Variants in MMP17 observed in about 807,000 individuals in gnomAD.
MMP17 encodes the protein matrix metalloproteinase-17.
Under a neutral mutation model 49.1 loss-of-function variants are expected in MMP17, and 54 were observed. That is an observed-to-expected ratio of 1.10 (90% CI 0.88 to 1.38). The LOEUF (loss-of-function observed/expected upper bound fraction) is 1.38, where lower values mean the gene tolerates loss of function less well. Ranked by LOEUF, MMP17 falls within the 40% of genes most tolerant of loss-of-function variation. The pLI, the probability that MMP17 is intolerant of heterozygous loss-of-function variation, is 0.00. For missense variants in MMP17, 837 were observed against 853.7 expected, an observed-to-expected ratio of 0.98 and a Z score of 0.24; for synonymous variants, 397 against 383.1, an observed-to-expected ratio of 1.04 and a Z score of -0.42.
rs548012881 is a variant in MMP17, at chr12:131,838,750, G to A, written c.422+9G>A. 2.6e-5 allele frequency: 40 copies of A among 1,540,674 alleles called. No homozygotes were observed. In the African/African-American group the frequency reaches 4.1e-4, roughly 16 times the overall value. On this transcript the variant is annotated intron_variant, in intron 3 of 9. Coordinates refer to ENST00000360564, the MANE Select transcript of MMP17 (RefSeq NM_016155.7). ...AGGAACCTGTCGTGGAGGTGGGTGT[G>A]TGGCCAGGGTGAGGAGCGGGGCCTC...
chr12:131,838,831 C>T (rs1218989281), intron 3 of MMP17, 90 bp downstream of exon 3: 3 of 1,447,352 alleles, frequency 2.1e-6, no homozygotes, highest in African/African-American at 2.9e-5. Flanking sequence ...GAGGTGGGCG[C>T]GTGGCCAGGG....
At position 131,844,049 on chromosome 12, in the gene MMP17, G is replaced by A. The variant is rs745613692; in HGVS notation, c.936G>A (p.Leu312=). The change falls in exon 6 of 10, where the codon CTG becomes CTA. Residue 312 remains leucine, a synonymous_variant. Transcript: ENST00000360564. ...CGCAGCCCGAGGAGCCTCCCCTGCT[G>A]CCGGAGCCCCCAGACAACCGGTCCA... ...PTAQPEEPPL[L]PEPPDNRSSA... The A allele has an allele frequency of 6.4e-7, 1 of 1,569,358 alleles. No homozygotes were observed. The highest frequency in any genetic ancestry group is 8.6e-7 in the Non-Finnish European group (1 of 1,159,654).
chr12:131,838,480 A>G, intron 2 of MMP17, 132 bp from the exon 3 acceptor site: 1 of 1,453,748 alleles, frequency 6.9e-7, no homozygotes, highest in Non-Finnish European at 9.1e-7. Context: ...CTGGTCCCCC[A>G]AAGATGACGT....
chr12:131,843,971 G>T, intron 5 of MMP17, 26 bp from the exon 6 acceptor site: 1 of 1,516,680 alleles, frequency 6.6e-7, no homozygotes. Flanking sequence ...GGGGTTTGAG[G>T]CCGTCCTCCT....
chr12:131,850,073 G>C lies in MMP17; in HGVS notation c.1462+14G>C. On this transcript the variant is annotated intron_variant, in intron 9 of 9. Coordinates refer to ENST00000360564, the MANE Select transcript of MMP17 (RefSeq NM_016155.7). The stretch of plus-strand genomic sequence containing the variant: ...GCTGGTCCGACGGTGAGTGCCAGCT[G>C]GGGGGACGGGCCATGCGGCCTTGGT... 6.3e-7 allele frequency: 1 copy of C among 1,597,878 alleles called. No individual in the cohort carries two copies. The highest frequency in any genetic ancestry group is 1.1e-5 in the South Asian group (1 of 89,984).
chr12:131,830,576 G>T (rs927391249), intron 1 of MMP17, among the ~76,000 whole-genome samples: 2 of 152,256 alleles, frequency 1.3e-5, no homozygotes, highest in Non-Finnish European at 2.9e-5. Context: ...TCCCCGCGGG[G>T]AGGGACGAGG....
Position 131,849,700 on chromosome 12 carries a change from G to A in MMP17, c.1205-102G>A, listed in dbSNP as rs939083467. On this transcript the variant is annotated intron_variant, in intron 8 of 9. Transcript: ENST00000360564. ...CTGTCCCATCAAGCCCAGGTGAGGGGCCAGGGCAAGGGCGGCTGACACAGG... is the reference window on the plus strand; with the variant it reads ...CTGTCCCATCAAGCCCAGGTGAGGGACCAGGGCAAGGGCGGCTGACACAGG... 1.0e-5 allele frequency: 14 copies of A among 1,378,496 alleles called. No individual in the cohort carries two copies. The African/African-American group carries it at 1.5e-4, about 14-fold the overall frequency. 85.4% of individuals were successfully genotyped at this position (1,378,496 alleles called of 1,614,324 possible). A position where few individuals can be genotyped will look rare whatever the true frequency, so the allele number is the denominator to read the frequency against.
chr12:131,843,180 A>G (rs1461818720), intron 5 of MMP17, among the ~76,000 whole-genome samples: 1 of 148,374 alleles, frequency 6.7e-6, no homozygotes, highest in African/African-American at 2.5e-5. Flanking sequence ...GTTAGCCAGG[A>G]TGGTCTCGAT....
intron 1 of MMP17, among the ~76,000 whole-genome samples, chr12:131,836,140 CCCAAGGGG>C (rs1207872445): frequency 1.3e-5 from 2 of 152,176 alleles, no homozygotes; most frequent in Admixed American, 6.5e-5. Context: ...TCTTGGCTTC[CCCAAGGGG>C]CTGAGGGGCT....
chr12:131,840,981 G>C (rs939725521), intron 4 of MMP17, 125 bp downstream of exon 4: 3 of 1,213,352 alleles, frequency 2.5e-6, no homozygotes, highest in Non-Finnish European at 3.3e-6. Context: ...TCCTGAGCAC[G>C]GCTGGGCATT....
chr12:131,849,063 C>T lies in MMP17; in HGVS notation c.1205-739C>T, dbSNP rs142504199. Among the ~76,000 whole-genome samples the T allele has an allele frequency of 8.8e-3, 1,334 of 152,346 alleles. 10 individuals are homozygous for T. The highest frequency in any genetic ancestry group is 0.011 in the Non-Finnish European group (780 of 68,038). On this transcript the variant is annotated intron_variant, in intron 8 of 9. Transcript: ENST00000360564. Reference sequence around the variant, plus strand: ...CGGCTCTGCCGTCCCCATATCCTCCCGACACAGGTGACTTTCCACGTTCTT... The same window carrying T: ...CGGCTCTGCCGTCCCCATATCCTCCTGACACAGGTGACTTTCCACGTTCTT...
chr12:131,843,267 C>CTTTTTTTTT lies in MMP17; in HGVS notation c.884-714_884-706dup, dbSNP rs55938259. 1.9e-5 allele frequency among the ~76,000 whole-genome samples: 2 copies of CTTTTTTTTT among 108,014 alleles called. 1 individual carries two copies. 70.9% of individuals were successfully genotyped at this position (108,014 alleles called of 152,430 possible). A position where few individuals can be genotyped will look rare whatever the true frequency, so the allele number is the denominator to read the frequency against. ...AGGCGTGAGCCACCGCACCTGGCCT[C>CTTTTTTTTT]TTTTTTTTTTTTTTTTTTTTTTTTA... is the stretch of plus-strand genomic sequence containing the variant. On this transcript the variant is annotated intron_variant, in intron 5 of 9. Coordinates refer to ENST00000360564, the MANE Select transcript of MMP17 (RefSeq NM_016155.7).
Position 131,845,294 on chromosome 12 carries a change from C to T in MMP17, c.1052-3C>T. 1.2e-6 allele frequency: 2 copies of T among 1,609,408 alleles called. No individual in the cohort carries two copies. The highest frequency in any genetic ancestry group is 1.7e-6 in the Non-Finnish European group (2 of 1,176,574). Reference sequence around the variant, plus strand: ...AGCCCGGCCCTCCCCTCTGTGCCCCCAGGCAAGTACTTCTGGCGGCTGACG... The same window carrying T: ...AGCCCGGCCCTCCCCTCTGTGCCCCTAGGCAAGTACTTCTGGCGGCTGACG... On this transcript the variant is annotated splice_polypyrimidine_tract_variant and splice_region_variant and intron_variant, in intron 7 of 9. Transcript: ENST00000360564.
chr12:131,849,255 G>A (rs892161778), intron 8 of MMP17, among the ~76,000 whole-genome samples: 9 of 152,128 alleles, frequency 5.9e-5, no homozygotes, highest in Non-Finnish European at 1.2e-4. Context: ...AGGCCAGGGC[G>A]GGCAAATCAC....
In MMP17 at chr12:131,839,613, A is replaced by G. The variant is rs1009108817; in HGVS notation, c.422+872A>G. On this transcript the variant is annotated intron_variant, in intron 3 of 9. Transcript: ENST00000360564. ...CTCAGCCTCCCAAGTAGGTGGGATT[A>G]CAGGCACGAGCCACCAGGCCCAACT... 1.1e-4 allele frequency among the ~76,000 whole-genome samples: 16 copies of G among 152,194 alleles called. No individual in the cohort carries two copies. The East Asian group carries it at 2.7e-3, about 26-fold the overall frequency.
chr12:131,849,045 G>A (rs1440204096), intron 8 of MMP17, among the ~76,000 whole-genome samples: 2 of 152,098 alleles, frequency 1.3e-5, no homozygotes, highest in African/African-American at 2.4e-5. Flanking sequence ...GCCCGGCTCT[G>A]CCGTCCCCAT....
intron 5 of MMP17, among the ~76,000 whole-genome samples, chr12:131,842,129 A>G (rs1015617989): frequency 6.6e-6 from 1 of 152,198 alleles, no homozygotes; most frequent in Non-Finnish European, 1.5e-5. Context: ...TACTGTCCCC[A>G]CTTTACAGAT....
chr12:131,828,617 A>C lies in MMP17; in HGVS notation c.123A>C (p.Ala41=). 6.2e-6 allele frequency: 5 copies of C among 804,594 alleles called. No homozygotes were observed. Among genetic ancestry groups the C allele is most frequent in the East Asian group, 8.0e-5 (1 of 12,578 alleles). 49.8% of individuals were successfully genotyped at this position (804,594 alleles called of 1,614,324 possible). A position where few individuals can be genotyped will look rare whatever the true frequency, so the allele number is the denominator to read the frequency against. The part of the protein sequence containing the change: ...LGTRGGCAAP[A]PAPRAEDLSL... ...CCCGCGGGGGCTGCGCCGCGCCCGC[A>C]CCCGCGCCGCGCGCCGAGGACCTCA... Residue 41 remains alanine, a synonymous_variant, in exon 1 of 10, where the codon GCA becomes GCC. Transcript: ENST00000360564.
At chr12:131,849,064 G>A (rs564582215) in intron 8 of MMP17, among the ~76,000 whole-genome samples, 2 of 152,290 alleles carry the variant, frequency 1.3e-5, no homozygotes, top group East Asian at 3.9e-4. Context: ...ATATCCTCCC[G>A]ACACAGGTGA....
Sources: allele counts gnomAD v4.1 joint callset (sites outside exome capture counted in the v4.1 genomes callset), GRCh38; gene constraint gnomAD v4.1.1; transcripts MANE v1.5; gene names NCBI Gene and HGNC (gene_info 2026-07-23, HGNC 2026-07-21).